DGKI: variants seen among roughly 807,000 people sequenced by gnomAD.
The protein encoded by DGKI is DAG kinase iota.
DGKI carries 55 observed loss-of-function variants against 147.5 expected under a neutral mutation model. The ratio of observed to expected loss-of-function variants is 0.37; its 90% CI spans 0.30 to 0.47. The LOEUF is 0.47. DGKI is among the 20% of genes least tolerant of loss of function. The pLI, the probability that DGKI is intolerant of heterozygous loss-of-function variation, is 1.00. For missense variants in DGKI, 1,007 were observed against 1,323.8 expected (o/e 0.76, Z 3.71); for synonymous variants, 469 against 477.1 (o/e 0.98, Z 0.22).
chr7:137,435,831 G>A (rs545721045), intron 28 of DGKI, among the ~76,000 whole-genome samples: 1 of 152,310 alleles, frequency 6.6e-6, no homozygotes, highest in African/African-American at 2.4e-5. Context: ...CCAGGCTAGA[G>A]TACAGTGGCA....
In DGKI at chr7:137,844,298, T is replaced by C. The variant is rs534869933; in HGVS notation, c.401+2164A>G. ...AGATGGAAGCACCTCCTTTTCACCATCTTTCCTCTGACTTTGAGACTGACT... is the reference window on the plus strand; with the variant it reads ...AGATGGAAGCACCTCCTTTTCACCACCTTTCCTCTGACTTTGAGACTGACT... On this transcript the variant is annotated intron_variant, in intron 1 of 32. Coordinates refer to ENST00000614521, the MANE Select transcript of DGKI (RefSeq NM_001321708.2). 5.9e-5 allele frequency among the ~76,000 whole-genome samples: 9 copies of C among 152,334 alleles called. No homozygotes were observed. The South Asian group carries it at 1.9e-3, about 32-fold the overall frequency.
At chr7:137,541,252 T>G (rs905671883) in intron 20 of DGKI, among the ~76,000 whole-genome samples, 1 of 152,204 alleles carries the variant, frequency 6.6e-6, no homozygotes, top group Non-Finnish European at 1.5e-5. Flanking sequence ...TGCGTATACG[T>G]GTGTGCATGT....
chr7:137,809,063 C>T (rs3778819), intron 1 of DGKI, among the ~76,000 whole-genome samples: 13,794 of 152,116 alleles, frequency 0.091, 1,790 homozygotes, highest in African/African-American at 0.29. Flanking sequence ...TGACAAGCTT[C>T]CTTGATGATT....
At chr7:137,429,020 A>G (rs1292704692) in intron 28 of DGKI, among the ~76,000 whole-genome samples, 1 of 151,812 alleles carries the variant, frequency 6.6e-6, no homozygotes, top group African/African-American at 2.4e-5. Flanking sequence ...TCAAGCTACC[A>G]ATGACTTTCT....
At chr7:137,592,632 C>T (rs753679446) in intron 12 of DGKI, among the ~76,000 whole-genome samples, 1 of 152,168 alleles carries the variant, frequency 6.6e-6, no homozygotes, top group Non-Finnish European at 1.5e-5. Flanking sequence ...CCTTGTAGTA[C>T]ATGCAGGCCA....
chr7:137,721,521 T>A (rs1794556555), intron 1 of DGKI, among the ~76,000 whole-genome samples: 1 of 152,200 alleles, frequency 6.6e-6, no homozygotes, highest in Non-Finnish European at 1.5e-5. Flanking sequence ...GACCAGGTCA[T>A]CATTACCCCT....
chr7:137,415,106 C>T (rs1188716682), intron 28 of DGKI, among the ~76,000 whole-genome samples: 2 of 151,964 alleles, frequency 1.3e-5, no homozygotes, highest in Middle Eastern at 3.2e-3. Flanking sequence ...TAGAACCCAT[C>T]GGATTAGAAG....
At chr7:137,601,816 G>A (rs946214491) in intron 10 of DGKI, among the ~76,000 whole-genome samples, 1 of 152,064 alleles carries the variant, frequency 6.6e-6, no homozygotes. Context: ...TGTTACATAG[G>A]CCAATGCAGG....
rs1002550145 is a variant in DGKI at position 137,654,805 on chromosome 7, A to T, written c.682-17T>A. 14 of 1,541,936 alleles carry T rather than the reference A, an allele frequency of 9.1e-6. No individual in the cohort carries two copies. The highest frequency in any genetic ancestry group is 1.3e-5 in the Non-Finnish European group (14 of 1,116,044). On this transcript the variant is annotated splice_polypyrimidine_tract_variant and intron_variant, in intron 4 of 32. Transcript: ENST00000614521. ...GAAATTAATCTGTCATTCAAAAAGA[A>T]AAGTATATTATATTAGAGATAAGCA...
At chr7:137,485,494 T>C in intron 22 of DGKI, 76 bp from the exon 23 acceptor site, 2 of 1,103,334 alleles carry the variant, frequency 1.8e-6, no homozygotes, top group Non-Finnish European at 2.7e-6. Flanking sequence ...CAATCTCAAC[T>C]GAACTCCCAA....
Position 137,407,888 on chromosome 7 carries a change from A to G in DGKI, c.2907T>C (p.Tyr969=). Residue 969 remains tyrosine (Y), a synonymous_variant, in exon 30 of 33, where the codon TAT becomes TAC. Coordinates refer to ENST00000614521, the MANE Select transcript of DGKI (RefSeq NM_001321708.2). ...AKTGNGEIVK[Y]ILDHGPSELL... ...ATGCCTACTTACCGTGGTCAAGGATATATTTCACAATCTCCCCGTTGCCGG... is the reference window on the plus strand; with the variant it reads ...ATGCCTACTTACCGTGGTCAAGGATGTATTTCACAATCTCCCCGTTGCCGG... 4 of 1,614,134 alleles carry G rather than the reference A, an allele frequency of 2.5e-6. No homozygotes were observed. The highest frequency in any genetic ancestry group is 2.5e-6 in the Non-Finnish European group (3 of 1,179,952).
chr7:137,654,089 C>G (rs973297778), intron 5 of DGKI, among the ~76,000 whole-genome samples: 2 of 152,246 alleles, frequency 1.3e-5, no homozygotes, highest in Non-Finnish European at 2.9e-5. Flanking sequence ...ACTAACACAT[C>G]AGTAACAACT....
In DGKI at chr7:137,722,902, A is replaced by AAG; in HGVS notation, c.402-32902_402-32901dup. On this transcript the variant is annotated intron_variant, in intron 1 of 32. Transcript: ENST00000614521. ...AGTTGACTACGTTAAAAAAAAAAAAAAGTATAGCATAGTGAGTGGTGAAGT... is the reference window on the plus strand; with the variant it reads ...AGTTGACTACGTTAAAAAAAAAAAAAAGAGTATAGCATAGTGAGTGGTGAAGT... 5.3e-6 allele frequency: 4 copies of AAG among 755,766 alleles called. No individual in the cohort carries two copies. The East Asian group carries it at 1.0e-4, about 19-fold the overall frequency. The allele number at this position is 755,766 out of a possible 1,614,324, so 46.8% of individuals were successfully genotyped here.
At chr7:137,610,427 C>G (rs1050092754) in intron 8 of DGKI, among the ~76,000 whole-genome samples, 15 of 152,166 alleles carry the variant, frequency 9.9e-5, no homozygotes, top group African/African-American at 3.6e-4. Flanking sequence ...ACCATTTTCT[C>G]TTAATATTTG....
In DGKI at chr7:137,485,405, AC is replaced by A; in HGVS notation, c.2341del (p.Val781PhefsTer33). ...IDRLQEDLQSVSSGSQRVHYQ... is the reference protein window; with the variant it reads ...IDRLQEDLQSXSSGSQRVHYQ... ...ATGAACTCTCTGGGAGCCAGAAGAAACTGACTGTAGGTCCTAATGAGAAAAT... is the reference window on the plus strand; with the variant it reads ...ATGAACTCTCTGGGAGCCAGAAGAAATGACTGTAGGTCCTAATGAGAAAAT... On this transcript the variant is annotated frameshift_variant, in exon 23 of 33. Coordinates refer to ENST00000614521, the MANE Select transcript of DGKI (RefSeq NM_001321708.2). LOFTEE classifies it high-confidence loss of function. 6.2e-7 allele frequency: 1 copy of A among 1,609,660 alleles called. No homozygotes were observed. Among genetic ancestry groups the A allele is most frequent in the Non-Finnish European group, 8.5e-7 (1 of 1,177,702 alleles).
chr7:137,732,809 T>C (rs1417018189), intron 1 of DGKI, among the ~76,000 whole-genome samples: 2 of 151,650 alleles, frequency 1.3e-5, no homozygotes, highest in African/African-American at 4.8e-5. Context: ...CCCCACATAG[T>C]CTCCACAACA....
intron 1 of DGKI, among the ~76,000 whole-genome samples, chr7:137,789,026 A>G (rs1229603161): frequency 6.6e-6 from 1 of 152,246 alleles, no homozygotes; most frequent in Non-Finnish European, 1.5e-5. Flanking sequence ...ATGGCTTCAA[A>G]GAATTTATAA....
intron 1 of DGKI, among the ~76,000 whole-genome samples, chr7:137,691,809 T>TTTTTTTTTTTTTTTTTTTTTTTTTTTG (rs1290595066): frequency 1.4e-5 from 2 of 141,012 alleles, no homozygotes; most frequent in African/African-American, 5.6e-5. Flanking sequence ...TTTTTTTTTT[T>TTTTTTTTTTTTTTTTTTTTTTTTTTTG]TTTTTTTTTT....
At chr7:137,691,804 T>TTTTTTTTTTTG (rs1823617556) in intron 1 of DGKI, among the ~76,000 whole-genome samples, 1 of 121,180 alleles carries the variant, frequency 8.3e-6, no homozygotes, top group Non-Finnish European at 1.5e-5. Flanking sequence ...TTGGGTTTTT[T>TTTTTTTTTTTG]TTTTTTTTTT....
Sources: allele counts gnomAD v4.1 joint callset (sites outside exome capture counted in the v4.1 genomes callset), GRCh38; gene constraint gnomAD v4.1.1; transcripts MANE v1.5; gene names NCBI Gene and HGNC (gene_info 2026-07-23, HGNC 2026-07-21).